MAP2K4: variants seen among roughly 807,000 people sequenced by gnomAD.
MAP2K4 encodes the protein dual specificity mitogen-activated protein kinase kinase 4.
In MAP2K4, 4 loss-of-function variants were observed where a neutral mutation model predicts 48.5. That is an observed-to-expected ratio of 0.08 (90% CI 0.04 to 0.19). The LOEUF is 0.19. Among genes scored for constraint, MAP2K4 ranks in the 10% least tolerant of loss-of-function variants. The probability of loss-of-function intolerance (pLI) is 1.00; values close to 1 mark genes in which losing one functional copy is unlikely to be tolerated. For missense variants in MAP2K4, 258 were observed against 493.3 expected (o/e 0.52, Z 4.52); for synonymous variants, 166 against 173.1 (o/e 0.96, Z 0.32).
intron 1 of MAP2K4, chr17:12,027,114 C>G (rs1208914592): frequency 2.6e-5 from 4 of 152,170 alleles, no homozygotes; most frequent in Non-Finnish European, 5.9e-5. Context: ...GCTGTTTCCT[C>G]CCAACTCTAG....
At chr17:12,038,152 G>T (rs1487981605) in intron 1 of MAP2K4, among the ~76,000 whole-genome samples, 3 of 152,154 alleles carry the variant, frequency 2.0e-5, no homozygotes, top group Non-Finnish European at 4.4e-5. Context: ...ATACAGAGTA[G>T]AAATGATATG....
At chr17:12,117,106 C>T (rs1366767433) in intron 7 of MAP2K4, among the ~76,000 whole-genome samples, 2 of 152,074 alleles carry the variant, frequency 1.3e-5, no homozygotes, top group Non-Finnish European at 2.9e-5. Flanking sequence ...TATGGATGTG[C>T]CAAACCACCT....
intron 1 of MAP2K4, chr17:12,021,253 C>G: frequency 3.6e-6 from 1 of 278,890 alleles, no homozygotes; most frequent in Non-Finnish European, 6.6e-6. Flanking sequence ...ACCGGGCTCT[C>G]AGCAGGCCCG....
At chr17:12,136,926 T>A (rs1973230364) in intron 9 of MAP2K4, among the ~76,000 whole-genome samples, 1 of 151,860 alleles carries the variant, frequency 6.6e-6, no homozygotes, top group Non-Finnish European at 1.5e-5. Context: ...ATGAAAAAAA[T>A]GATATCAGTT....
chr17:12,076,660 A>G (rs1056962397), intron 2 of MAP2K4, among the ~76,000 whole-genome samples: 56 of 152,256 alleles, frequency 3.7e-4, no homozygotes, highest in African/African-American at 1.3e-3. Flanking sequence ...CATGTTTCGC[A>G]AAAGTTAGGA....
chr17:12,115,223 A>T (rs1034487714), intron 7 of MAP2K4, among the ~76,000 whole-genome samples: 6 of 152,194 alleles, frequency 3.9e-5, no homozygotes, highest in Non-Finnish European at 7.3e-5. Context: ...TCTTGTAAAC[A>T]TTTTCCCAAC....
At chr17:12,116,678 GATCA>G (rs1972506258) in intron 7 of MAP2K4, among the ~76,000 whole-genome samples, 1 of 152,024 alleles carries the variant, frequency 6.6e-6, no homozygotes, top group Non-Finnish European at 1.5e-5. Context: ...ACATGGGCGC[GATCA>G]ATCACTGTCT....
At chr17:12,113,053 T>C (rs1972359274) in intron 6 of MAP2K4, 180 bp from the exon 7 acceptor site, 1 of 493,542 alleles carries the variant, frequency 2.0e-6, no homozygotes, top group Admixed American at 3.2e-5. Context: ...AAGCTACATG[T>C]TTAAAACATG....
At chr17:12,037,016 G>GT (rs1969623297) in intron 1 of MAP2K4, among the ~76,000 whole-genome samples, 1 of 151,910 alleles carries the variant, frequency 6.6e-6, no homozygotes, top group Admixed American at 6.6e-5. Context: ...TTTTGGTGGC[G>GT]TTAAAAACTT....
At chr17:12,107,678 C>T in intron 4 of MAP2K4, 112 bp from the exon 5 acceptor site, 4 of 907,286 alleles carry the variant, frequency 4.4e-6, no homozygotes, top group Non-Finnish European at 6.7e-6. Flanking sequence ...ACTAGTTTGA[C>T]ATTTGAAATA....
intron 9 of MAP2K4, among the ~76,000 whole-genome samples, chr17:12,135,940 T>A (rs1446949500): frequency 6.6e-6 from 1 of 152,148 alleles, no homozygotes. Context: ...AGGGAGATTA[T>A]GGGAGAGAAG....
intron 2 of MAP2K4, among the ~76,000 whole-genome samples, chr17:12,055,655 T>G (rs1970263615): frequency 6.6e-6 from 1 of 152,000 alleles, no homozygotes; most frequent in Non-Finnish European, 1.5e-5. Flanking sequence ...ACAATTTGCA[T>G]CTAGATCTTA....
Position 12,093,025 on chromosome 17 carries a change from T to TA in MAP2K4, c.394-2540dup, listed in dbSNP as rs556910118. On this transcript the variant is annotated intron_variant, in intron 3 of 10. Transcript: ENST00000353533. ...TGGGCGAAAGAGCAAGACTCCGTCT[T>TA]AAAAAAAAAAGTTAGCTGTATTTGT... 3.4e-3 allele frequency among the ~76,000 whole-genome samples: 509 copies of TA among 149,646 alleles called. 1 individual carries two copies. The highest frequency in any genetic ancestry group is 5.0e-3 in the Admixed American group (75 of 15,034).
intron 1 of MAP2K4, among the ~76,000 whole-genome samples, chr17:12,050,895 A>G (rs1970121163): frequency 6.6e-6 from 1 of 152,172 alleles, no homozygotes; most frequent in South Asian, 2.1e-4. Context: ...TCAGGATTAC[A>G]GTTCTTAATA....
At chr17:12,052,058 T>A (rs757637946) in intron 1 of MAP2K4, among the ~76,000 whole-genome samples, 5 of 152,184 alleles carry the variant, frequency 3.3e-5, no homozygotes, top group Non-Finnish European at 7.4e-5. Context: ...TCCTCAAAAC[T>A]GCCTTTCAAG....
intron 1 of MAP2K4, among the ~76,000 whole-genome samples, chr17:12,033,964 A>T (rs980871549): frequency 2.4e-4 from 36 of 152,062 alleles, no homozygotes; most frequent in African/African-American, 8.2e-4. Flanking sequence ...TCATTTTAAA[A>T]TTTTTTTGTA....
At chr17:12,060,592 T>G (rs1311223319) in intron 2 of MAP2K4, among the ~76,000 whole-genome samples, 1 of 152,226 alleles carries the variant, frequency 6.6e-6, no homozygotes, top group African/African-American at 2.4e-5. Flanking sequence ...CTGAAATTTT[T>G]TGAAGCAATC....
At chr17:12,087,920 G>A (rs1407815990) in intron 3 of MAP2K4, among the ~76,000 whole-genome samples, 3 of 151,920 alleles carry the variant, frequency 2.0e-5, no homozygotes, top group Admixed American at 2.0e-4. Context: ...AGATATCATG[G>A]CCATTTTCGT....
At chr17:12,029,072 C>G (rs954041022) in intron 1 of MAP2K4, among the ~76,000 whole-genome samples, 2 of 152,112 alleles carry the variant, frequency 1.3e-5, no homozygotes, top group Admixed American at 1.3e-4. Context: ...TAAACACTTA[C>G]ACATCCTAAA....
Sources: gnomAD v4.1 joint callset for allele counts (sites outside exome capture counted in the v4.1 genomes callset) on GRCh38, gnomAD v4.1.1 for gene constraint, MANE v1.5 for transcripts, NCBI Gene and HGNC (gene_info 2026-07-23, HGNC 2026-07-21) for gene names.